The following PTPRD variants were observed in gnomAD, a reference collection of about 807,000 sequenced individuals.
PTPRD encodes the protein receptor-type tyrosine-protein phosphatase delta.
Under a neutral mutation model 214.5 loss-of-function variants are expected in PTPRD, and 34 were observed. The ratio of observed to expected loss-of-function variants is 0.16; its 90% CI spans 0.12 to 0.21. The LOEUF is 0.21. PTPRD is among the 10% of genes least tolerant of loss of function. The pLI, the probability that PTPRD is intolerant of heterozygous loss-of-function variation, is 1.00. For missense variants in PTPRD, 2,545 were observed against 2,398.7 expected (o/e 1.06, Z -1.27); for synonymous variants, 1,128 against 845.7 (o/e 1.33, Z -5.79).
At chr9:8,626,910 A>T (rs1403075183) in intron 14 of PTPRD, among the ~76,000 whole-genome samples, 1 of 151,542 alleles carries the variant, frequency 6.6e-6, no homozygotes, top group East Asian at 2.0e-4. Context: ...CTTCCTATAT[A>T]TGTATATATT....
At chr9:8,488,373 T>A (rs1329666607) in intron 27 of PTPRD, among the ~76,000 whole-genome samples, 1 of 152,214 alleles carries the variant, frequency 6.6e-6, no homozygotes, top group Admixed American at 6.5e-5. Flanking sequence ...ATGAAAACAA[T>A]AGTTTCTAAA....
rs575931667 is a variant in PTPRD at position 8,542,595 on chromosome 9, A to AACAG, written c.353-13820_353-13817dup. Among the ~76,000 whole-genome samples the AACAG allele has an allele frequency of 3.5e-3, 531 of 152,326 alleles. 1 individual carries two copies. The highest frequency in any genetic ancestry group is 4.4e-3 in the African/African-American group (185 of 41,580). ...TGTCATGTATTTGAGGCACTCATGA[A>AACAG]ACAGTATGCCTCTATGAAGGACTCT... On this transcript the variant is annotated intron_variant, in intron 14 of 45. Coordinates refer to ENST00000381196, the MANE Select transcript of PTPRD (RefSeq NM_002839.4).
chr9:9,669,170 T>C (rs1275131420), intron 7 of PTPRD, among the ~76,000 whole-genome samples: 1 of 152,212 alleles, frequency 6.6e-6, no homozygotes, highest in Non-Finnish European at 1.5e-5. Context: ...GGATTATAAA[T>C]CATGCTGCTA....
At chr9:9,835,020 T>C (rs952426407) in intron 5 of PTPRD, among the ~76,000 whole-genome samples, 3 of 152,028 alleles carry the variant, frequency 2.0e-5, no homozygotes, top group African/African-American at 4.8e-5. Context: ...CCTTCCTTTA[T>C]TGTTATATAG....
intron 10 of PTPRD, among the ~76,000 whole-genome samples, chr9:9,168,844 A>C (rs1158406784): frequency 6.6e-6 from 1 of 152,040 alleles, no homozygotes; most frequent in Admixed American, 6.6e-5. Flanking sequence ...TTTATCTGTT[A>C]AAAGCATTAA....
chr9:10,265,280 G>T (rs1247447910), intron 3 of PTPRD, among the ~76,000 whole-genome samples: 1 of 152,080 alleles, frequency 6.6e-6, no homozygotes, highest in Non-Finnish European at 1.5e-5. Flanking sequence ...ATAAGTCTGG[G>T]CTAGCCTGTA....
intron 3 of PTPRD, among the ~76,000 whole-genome samples, chr9:10,207,318 T>A (rs544674694): frequency 1.1e-3 from 170 of 152,252 alleles, no homozygotes; most frequent in African/African-American, 4.0e-3. Context: ...TATGGTTTTG[T>A]ATATATCAAC....
At chr9:10,050,682 T>C (rs955807548) in intron 3 of PTPRD, among the ~76,000 whole-genome samples, 1 of 151,334 alleles carries the variant, frequency 6.6e-6, no homozygotes, top group African/African-American at 2.4e-5. Context: ...TAAAATTGTA[T>C]TTTCAGTAAA....
At chr9:8,527,393 A>C in intron 15 of PTPRD, 40 bp from the exon 16 acceptor site, 1 of 1,584,052 alleles carries the variant, frequency 6.3e-7, no homozygotes, top group Non-Finnish European at 8.6e-7. Context: ...ACAGCATAAA[A>C]ATATTATTAT....
chr9:9,875,551 C>G (rs770803799), intron 5 of PTPRD, among the ~76,000 whole-genome samples: 9 of 152,064 alleles, frequency 5.9e-5, no homozygotes, highest in African/African-American at 1.2e-4. Flanking sequence ...AGATAACTAC[C>G]AGAATTATTG....
intron 9 of PTPRD, among the ~76,000 whole-genome samples, chr9:9,281,171 G>C (rs1947558689): frequency 6.6e-6 from 1 of 151,126 alleles, no homozygotes; most frequent in Non-Finnish European, 1.5e-5. Flanking sequence ...AAATAACATA[G>C]GAGAAAATCT....
intron 9 of PTPRD, among the ~76,000 whole-genome samples, chr9:9,238,898 T>C (rs1161206907): frequency 2.6e-5 from 4 of 152,160 alleles, no homozygotes; most frequent in African/African-American, 9.6e-5. Flanking sequence ...TTCTTAATTT[T>C]ATCCTAGGAC....
chr9:8,401,574 GTGAT>G (rs2092400351), intron 36 of PTPRD, among the ~76,000 whole-genome samples: 5 of 152,100 alleles, frequency 3.3e-5, no homozygotes, highest in Non-Finnish European at 7.4e-5. Context: ...TAAAATGACT[GTGAT>G]TTGGAAAGAT....
rs895604168 is a variant in PTPRD, at chr9:8,713,254, C to A, written c.64+20526G>T. On this transcript the variant is annotated intron_variant, in intron 12 of 45. Transcript: ENST00000381196. ...CCTAAACTGAGTCTCCAATTGTCCACTTAAAATCTTTATCCACTGAGCTTT... is the reference window on the plus strand; with the variant it reads ...CCTAAACTGAGTCTCCAATTGTCCAATTAAAATCTTTATCCACTGAGCTTT... 5 of 643,542 alleles carry A rather than the reference C, an allele frequency of 7.8e-6. No individual in the cohort carries two copies. In the African/African-American group the frequency reaches 9.1e-5, roughly 12 times the overall value. The allele number at this position is 643,542 out of a possible 1,614,324, so 39.9% of individuals were successfully genotyped here.
chr9:8,631,144 T>C (rs1202915923), intron 14 of PTPRD, among the ~76,000 whole-genome samples: 2 of 151,868 alleles, frequency 1.3e-5, no homozygotes, highest in East Asian at 3.9e-4. Flanking sequence ...TATGTATGTA[T>C]ATTCAGAAAT....
intron 3 of PTPRD, among the ~76,000 whole-genome samples, chr9:10,232,898 C>G (rs2099616460): frequency 6.6e-6 from 1 of 151,892 alleles, no homozygotes; most frequent in Non-Finnish European, 1.5e-5. Context: ...CTTGAAAGAA[C>G]AAAAATGGAA....
intron 8 of PTPRD, among the ~76,000 whole-genome samples, chr9:9,463,879 C>T (rs1569568550): frequency 6.6e-6 from 1 of 152,020 alleles, no homozygotes; most frequent in Non-Finnish European, 1.5e-5. Flanking sequence ...ATCAGGCCTC[C>T]CAAATAGTAT....
chr9:8,367,580 G>A (rs538606093), intron 39 of PTPRD, among the ~76,000 whole-genome samples: 1 of 152,132 alleles, frequency 6.6e-6, no homozygotes, highest in African/African-American at 2.4e-5. Context: ...TTAGTGCAAT[G>A]ATATAATTAT....
At chr9:9,799,580 A>G (rs566486736) in intron 5 of PTPRD, 2 of 152,196 alleles carry the variant, frequency 1.3e-5, no homozygotes, top group Admixed American at 6.5e-5. Flanking sequence ...TGTCAGTTCA[A>G]TATTCCATAA....
Sources: gnomAD v4.1 joint callset for allele counts (sites outside exome capture counted in the v4.1 genomes callset) on GRCh38, gnomAD v4.1.1 for gene constraint, MANE v1.5 for transcripts, NCBI Gene and HGNC (gene_info 2026-07-23, HGNC 2026-07-21) for gene names.